KIRREL3: variants seen among roughly 807,000 people sequenced by gnomAD.
The protein encoded by KIRREL3 is kirre like nephrin family adhesion molecule 3, also known as kin of IRRE-like protein 3.
KIRREL3 carries 36 observed loss-of-function variants against 89.7 expected under a neutral mutation model. The ratio of observed to expected loss-of-function variants is 0.40; its 90% CI spans 0.31 to 0.53. KIRREL3 has a LOEUF of 0.53. KIRREL3 is among the 20% of genes least tolerant of loss of function. The pLI is 0.49. For missense variants in KIRREL3, 864 were observed against 1,056.6 expected (o/e 0.82, Z 2.53); for synonymous variants, 445 against 441.4 (o/e 1.01, Z -0.10).
chr11:126,876,412 C>T lies in KIRREL3; in HGVS notation c.55+124043G>A, dbSNP rs760500697. ...TGCCCATCTGGATAATTTCATCCTA[C>T]AGCACACCCAGGGAGAAAGAAGCCA... On this transcript the variant is annotated intron_variant, in intron 1 of 16. Coordinates refer to ENST00000525144, the MANE Select transcript of KIRREL3 (RefSeq NM_032531.4). This position sits in a 1 kb window ranked among gnomAD's most constrained non-coding sequence, Gnocchi z 4.1. Among the ~76,000 whole-genome samples, 1 of 152,184 alleles carries T rather than the reference C, an allele frequency of 6.6e-6. No homozygotes were observed. The highest frequency in any genetic ancestry group is 1.5e-5 in the Non-Finnish European group (1 of 68,034).
rs184370361 is a variant in KIRREL3 at position 126,513,280 on chromosome 11, A to G, written c.433+8035T>C. Among the ~76,000 whole-genome samples, 408 of 152,150 alleles carry G rather than the reference A, an allele frequency of 2.7e-3. 4 individuals carry two copies. Among genetic ancestry groups the G allele is most frequent in the Admixed American group, 0.018 (280 of 15,290 alleles). On this transcript the variant is annotated intron_variant, in intron 4 of 16. Transcript: ENST00000525144. The surrounding 1 kb of genome is among the most constrained non-coding windows in gnomAD (Gnocchi z 5.9). ...GGGGGTATGGGGGCTGGCCCTGGGC[A>G]TGGTCATTTGGGAAGCTACCCCCAG...
rs1296097936 is a variant in KIRREL3, at chr11:126,523,192, C to T, written c.284-1728G>A. On this transcript the variant is annotated intron_variant, in intron 3 of 16. Coordinates refer to ENST00000525144, the MANE Select transcript of KIRREL3 (RefSeq NM_032531.4). The surrounding 1 kb of genome is among the most constrained non-coding windows in gnomAD (Gnocchi z 4.9). ...GATGCCAGAGAGTGTAGTGAGGTCC[C>T]CATCACTGGCTGTATTCAAGCAGAG... Among the ~76,000 whole-genome samples the T allele has an allele frequency of 6.6e-6, 1 of 152,050 alleles. No homozygotes were observed. The highest frequency in any genetic ancestry group is 1.5e-5 in the Non-Finnish European group (1 of 68,018).
chr11:126,862,830 A>C (rs573264572), intron 1 of KIRREL3, among the ~76,000 whole-genome samples: 1 of 152,348 alleles, frequency 6.6e-6, no homozygotes, highest in African/African-American at 2.4e-5. Flanking sequence ...TGCATTTGAC[A>C]GTGTAGACAC....
At chr11:126,547,489 G>A (rs1183699223) in intron 2 of KIRREL3, among the ~76,000 whole-genome samples, 2 of 152,244 alleles carry the variant, frequency 1.3e-5, no homozygotes, top group Non-Finnish European at 2.9e-5. Flanking sequence ...TTTGGAGGCA[G>A]TGAGGATTAG....
Position 126,522,052 on chromosome 11 carries a change from G to A in KIRREL3, c.284-588C>T, listed in dbSNP as rs540839282. On this transcript the variant is annotated intron_variant, in intron 3 of 16. Transcript: ENST00000525144. This position sits in a 1 kb window ranked among gnomAD's most constrained non-coding sequence, Gnocchi z 6.0. ...AGCCACCATGCCCGGCCATGTAAGG[G>A]TCTTGTTGGTTTCAAGTTTAGGAAA... 5.0e-4 allele frequency among the ~76,000 whole-genome samples: 76 copies of A among 152,210 alleles called. No individual in the cohort carries two copies. Among genetic ancestry groups the A allele is most frequent in the Non-Finnish European group, 9.4e-4 (64 of 68,026 alleles).
Position 126,424,172 on chromosome 11 carries a change from G to T in KIRREL3, c.*408C>A. On this transcript the variant is annotated 3_prime_UTR_variant, in exon 17 of 17. Transcript: ENST00000525144. Reference sequence around the variant, plus strand: ...GCTGTATGGGAGCACAGGCACAGGGGTAGGTAGAGCTTCTGGTCAGCGAGG... The same window carrying T: ...GCTGTATGGGAGCACAGGCACAGGGTTAGGTAGAGCTTCTGGTCAGCGAGG... 3.9e-6 allele frequency: 1 copy of T among 258,456 alleles called. No homozygotes were observed. Among genetic ancestry groups the T allele is most frequent in the African/African-American group, 2.2e-5 (1 of 46,000 alleles). The allele number at this position is 258,456 out of a possible 1,614,324, so 16.0% of individuals were successfully genotyped here. A position where few individuals can be genotyped will look rare whatever the true frequency, so the allele number is the denominator to read the frequency against.
At chr11:126,839,955 T>G (rs1943909158) in intron 1 of KIRREL3, among the ~76,000 whole-genome samples, 1 of 152,226 alleles carries the variant, frequency 6.6e-6, no homozygotes, top group African/African-American at 2.4e-5. Context: ...GAGTGCATTC[T>G]ATACTCTTGA....
At position 126,752,739 on chromosome 11, in the gene KIRREL3, G is replaced by A. The variant is rs1949375402; in HGVS notation, c.56-189827C>T. On this transcript the variant is annotated intron_variant, in intron 1 of 16. Coordinates refer to ENST00000525144, the MANE Select transcript of KIRREL3 (RefSeq NM_032531.4). This position sits in a 1 kb window ranked among gnomAD's most constrained non-coding sequence, Gnocchi z 4.8. ...GATTTTCCCAGCTGTACCCTTGAGC[G>A]AGAACTTTCCCAAAGTGAAGAGCAT... Among the ~76,000 whole-genome samples, 3 of 152,116 alleles carry A rather than the reference G, an allele frequency of 2.0e-5. No individual in the cohort carries two copies. The highest frequency in any genetic ancestry group is 1.3e-4 in the Admixed American group (2 of 15,270).
chr11:126,527,942 A>G lies in KIRREL3; in HGVS notation c.134-1255T>C, dbSNP rs1025969093. Among the ~76,000 whole-genome samples the G allele has an allele frequency of 3.9e-5, 6 of 152,178 alleles. No individual in the cohort carries two copies. The highest frequency in any genetic ancestry group is 1.2e-4 in the African/African-American group (5 of 41,438). Reference sequence around the variant, plus strand: ...GACAATGGAACATTGACATTCGCTGAGCATCTGGCCCACAGTACAACCAGT... The same window carrying G: ...GACAATGGAACATTGACATTCGCTGGGCATCTGGCCCACAGTACAACCAGT... On this transcript the variant is annotated intron_variant, in intron 2 of 16. Transcript: ENST00000525144. The surrounding 1 kb of genome is among the most constrained non-coding windows in gnomAD (Gnocchi z 4.2).
At chr11:126,961,923 A>C (rs1440465550) in intron 1 of KIRREL3, among the ~76,000 whole-genome samples, 1 of 152,240 alleles carries the variant, frequency 6.6e-6, no homozygotes, top group Non-Finnish European at 1.5e-5. Context: ...TGGAACAATG[A>C]AGGCTGAAGG....
In KIRREL3 at chr11:126,431,627, G is replaced by T; in HGVS notation, c.1589-101C>A. 8.5e-7 allele frequency: 1 copy of T among 1,178,122 alleles called. No homozygotes were observed. The highest frequency in any genetic ancestry group is 1.2e-6 in the Non-Finnish European group (1 of 831,692). 73.0% of individuals were successfully genotyped at this position (1,178,122 alleles called of 1,614,324 possible). ...CTGCGGGGGCAGCCCCTGCCACATGGGGCCCTCCTGGGAAATGCCTCAGTG... is the reference window on the plus strand; with the variant it reads ...CTGCGGGGGCAGCCCCTGCCACATGTGGCCCTCCTGGGAAATGCCTCAGTG... On this transcript the variant is annotated intron_variant, in intron 13 of 16. Transcript: ENST00000525144. This position sits in a 1 kb window ranked among gnomAD's most constrained non-coding sequence, Gnocchi z 7.1.
In KIRREL3 at chr11:126,797,657, T is replaced by C. The variant is rs1440130524; in HGVS notation, c.55+202798A>G. ...TGATGGGGCCCTGGCAGCGGGAGTCTCAGCATCCAAGCACAATCAGCACTG... is the reference window on the plus strand; with the variant it reads ...TGATGGGGCCCTGGCAGCGGGAGTCCCAGCATCCAAGCACAATCAGCACTG... On this transcript the variant is annotated intron_variant, in intron 1 of 16. Coordinates refer to ENST00000525144, the MANE Select transcript of KIRREL3 (RefSeq NM_032531.4). This position sits in a 1 kb window ranked among gnomAD's most constrained non-coding sequence, Gnocchi z 4.9. Among the ~76,000 whole-genome samples, 1 of 152,076 alleles carries C rather than the reference T, an allele frequency of 6.6e-6. No homozygotes were observed. Among genetic ancestry groups the C allele is most frequent in the Non-Finnish European group, 1.5e-5 (1 of 68,002 alleles).
Position 126,810,425 on chromosome 11 carries a change from T to TAAAGGGAGG in KIRREL3, c.55+190029_55+190030insCCTCCCTTT, listed in dbSNP as rs1400730020. Among the ~76,000 whole-genome samples the TAAAGGGAGG allele has an allele frequency of 9.8e-5, 15 of 152,286 alleles. No homozygotes were observed. In the South Asian group the frequency reaches 1.0e-3, roughly 11 times the overall value. On this transcript the variant is annotated intron_variant, in intron 1 of 16. Transcript: ENST00000525144. Reference sequence around the variant, plus strand: ...CAAGGACTTGCTGGGAGGCCTTTCTTCTGGTCAGCACTTTAAAAATATTTT... The same window carrying TAAAGGGAGG: ...CAAGGACTTGCTGGGAGGCCTTTCTTAAAGGGAGGCTGGTCAGCACTTTAAAAATATTTT...
chr11:126,865,205 T>C (rs1944878519), intron 1 of KIRREL3, among the ~76,000 whole-genome samples: 2 of 152,244 alleles, frequency 1.3e-5, no homozygotes. Flanking sequence ...AAATGCCTCT[T>C]GACTGTTCTG....
At chr11:126,926,686 T>C (rs889819655) in intron 1 of KIRREL3, among the ~76,000 whole-genome samples, 2 of 152,202 alleles carry the variant, frequency 1.3e-5, no homozygotes, top group Non-Finnish European at 2.9e-5. Context: ...GCAAATCTCC[T>C]ATGAGCATTT....
intron 1 of KIRREL3, among the ~76,000 whole-genome samples, chr11:126,922,786 TTC>T (rs1486569753): frequency 2.0e-5 from 3 of 152,138 alleles, no homozygotes; most frequent in African/African-American, 7.2e-5. Flanking sequence ...CTGCCCTATT[TTC>T]TCTTATTCAA....
Position 126,484,059 on chromosome 11 carries a change from T to C in KIRREL3, c.434-10593A>G, listed in dbSNP as rs1230561419. 6.6e-6 allele frequency among the ~76,000 whole-genome samples: 1 copy of C among 152,204 alleles called. No individual in the cohort carries two copies. Among genetic ancestry groups the C allele is most frequent in the Non-Finnish European group, 1.5e-5 (1 of 68,044 alleles). On this transcript the variant is annotated intron_variant, in intron 4 of 16. Coordinates refer to ENST00000525144, the MANE Select transcript of KIRREL3 (RefSeq NM_032531.4). The surrounding 1 kb of genome is among the most constrained non-coding windows in gnomAD (Gnocchi z 5.2). ...CTGAGGCTGTGAGCTCCTTGAGGGC[T>C]GGTCCTTGCCAAATTCTCTCTCTAG...
chr11:126,641,384 G>A lies in KIRREL3; in HGVS notation c.56-78472C>T, dbSNP rs1944462256. On this transcript the variant is annotated intron_variant, in intron 1 of 16. Coordinates refer to ENST00000525144, the MANE Select transcript of KIRREL3 (RefSeq NM_032531.4). This position sits in a 1 kb window ranked among gnomAD's most constrained non-coding sequence, Gnocchi z 5.0. ...CCTTGTCTCTGAAGAGCCTCTTGGT[G>A]GTCACAAAGCTACTTGCCACTCTCA... 6.8e-6 allele frequency among the ~76,000 whole-genome samples: 1 copy of A among 148,042 alleles called. No homozygotes were observed. Among genetic ancestry groups the A allele is most frequent in the Non-Finnish European group, 1.5e-5 (1 of 66,884 alleles).
rs1278657922 is a variant in KIRREL3, at chr11:126,740,888, T to TC, written c.56-177977dup. On this transcript the variant is annotated intron_variant, in intron 1 of 16. Coordinates refer to ENST00000525144, the MANE Select transcript of KIRREL3 (RefSeq NM_032531.4). This position sits in a 1 kb window ranked among gnomAD's most constrained non-coding sequence, Gnocchi z 6.0. ...CACTGAGAAAGAAGATATCCATTGT[T>TC]CCATGAGAGTCCCCCATGGTAGAGT... Among the ~76,000 whole-genome samples, 1 of 152,192 alleles carries TC rather than the reference T, an allele frequency of 6.6e-6. No homozygotes were observed.
Sources: allele counts gnomAD v4.1 joint callset (sites outside exome capture counted in the v4.1 genomes callset), GRCh38; gene constraint gnomAD v4.1.1; non-coding constraint Gnocchi (gnomAD v3.1); transcripts MANE v1.5; gene names NCBI Gene and HGNC (gene_info 2026-07-23, HGNC 2026-07-21).